KIRREL1: variants seen among roughly 807,000 people sequenced by gnomAD.
KIRREL1 encodes kin of IRRE-like protein 1.
In KIRREL1, 25 loss-of-function variants were observed where a neutral mutation model predicts 83.3. The observed-to-expected ratio is 0.30, with a 90% CI of 0.22 to 0.42. KIRREL1 has a LOEUF of 0.42. KIRREL1 is among the 10% of genes least tolerant of loss of function. The pLI, the probability that KIRREL1 is intolerant of heterozygous loss-of-function variation, is 1.00. For synonymous variants in KIRREL1, 388 were observed against 410.4 expected, an observed-to-expected ratio of 0.95 and a Z score of 0.66; for missense variants, 812 against 1,032.3, an observed-to-expected ratio of 0.79 and a Z score of 2.92.
At chr1:158,007,395 G>A (rs1398421487) in intron 1 of KIRREL1, among the ~76,000 whole-genome samples, 1 of 152,150 alleles carries the variant, frequency 6.6e-6, no homozygotes, top group Non-Finnish European at 1.5e-5. Context: ...GATTCTTATA[G>A]GGGGTCTAAT....
At chr1:158,041,325 G>T (rs1259805337) in intron 1 of KIRREL1, among the ~76,000 whole-genome samples, 9 of 152,226 alleles carry the variant, frequency 5.9e-5, no homozygotes. Flanking sequence ...TTCGTAAGGT[G>T]GTCCTGGTCT....
chr1:158,036,275 T>A (rs900815621), intron 1 of KIRREL1, among the ~76,000 whole-genome samples: 3 of 152,332 alleles, frequency 2.0e-5, no homozygotes, highest in Non-Finnish European at 2.9e-5. Flanking sequence ...ATTTTCTGGT[T>A]GTAACTTATT....
rs1281091027 is a variant in KIRREL1, at chr1:158,063,979, T to C, written c.53-12134T>C. 6.6e-5 allele frequency among the ~76,000 whole-genome samples: 10 copies of C among 152,178 alleles called. No homozygotes were observed. The East Asian group carries it at 1.9e-3, about 29-fold the overall frequency. The stretch of plus-strand genomic sequence containing the variant: ...CCAGGGTCCAGGACAGTGTACAGTA[T>C]GGTAGGCATTCAATAAGTATTTATT... On this transcript the variant is annotated intron_variant, in intron 1 of 14. Transcript: ENST00000359209.
chr1:158,088,018 G>A lies in KIRREL1; in HGVS notation c.780G>A (p.Gly260=), dbSNP rs763462025. The change falls in exon 7 of 15, where the codon GGG becomes GGA. Residue 260 remains glycine (G), a synonymous_variant. Coordinates refer to ENST00000359209, the MANE Select transcript of KIRREL1 (RefSeq NM_018240.7). ...CCTCCTCCCCTAGGTGGGCCAAAGG[G>A]GGTTTCTTGATTGAAGACGCCCACG... ...PEILGYRWAK[G]GFLIEDAHES... 1.2e-6 allele frequency: 2 copies of A among 1,614,058 alleles called. No individual in the cohort carries two copies. The highest frequency in any genetic ancestry group is 2.2e-5 in the East Asian group (1 of 44,898).
In KIRREL1 at chr1:158,093,400, C is replaced by T. The variant is rs1310924970; in HGVS notation, c.1533C>T (p.Phe511=). The T allele has an allele frequency of 6.2e-7, 1 of 1,614,146 alleles. No homozygotes were observed. The highest frequency in any genetic ancestry group is 1.7e-5 in the Admixed American group (1 of 60,014). ...TCGGCGCGAGCATCCTGCTCATCTT[C>T]TTCTTCATCGCCTTGGTATTCTTCC... ...ATIGASILLI[F]FFIALVFFLY... is the part of the protein sequence containing the mutation. The change falls in exon 12 of 15, where the codon TTC becomes TTT. Residue 511 remains phenylalanine (F), a synonymous_variant. Transcript: ENST00000359209.
Position 158,076,244 on chromosome 1 carries a change from A to G in KIRREL1, c.184A>G (p.Met62Val), listed in dbSNP as rs138764677. 26 of 1,613,856 alleles carry G rather than the reference A, an allele frequency of 1.6e-5. No individual in the cohort carries two copies. In the African/African-American group the frequency reaches 2.9e-4, roughly 18 times the overall value. The change falls in exon 2 of 15, where the codon ATG (methionine) becomes GTG (valine). Residue 62 changes from methionine to valine, a missense_variant. Coordinates refer to ENST00000359209, the MANE Select transcript of KIRREL1 (RefSeq NM_018240.7). ...GACCAAGGACGGGCTGGCCCTGGGC[A>G]TGGGCCAGGGCCTCAAAGGTGAGTG... ...QWTKDGLALG[M>V]GQGLKAWPRY...
At position 158,076,009 on chromosome 1, in the gene KIRREL1, C is replaced by A. The variant is rs568317687; in HGVS notation, c.53-104C>A. The A allele has an allele frequency of 6.3e-6, 7 of 1,113,436 alleles. No individual in the cohort carries two copies. The Admixed American group carries it at 1.7e-4, about 28-fold the overall frequency. 69.0% of individuals were successfully genotyped at this position (1,113,436 alleles called of 1,614,324 possible). On this transcript the variant is annotated intron_variant, in intron 1 of 14. Transcript: ENST00000359209. ...GGGCAGGGACCGGAGAGTCCCCATC[C>A]CCAACTGGAGGCTCTCCCTCCTTCC...
intron 1 of KIRREL1, among the ~76,000 whole-genome samples, chr1:158,067,922 C>T (rs16839719): frequency 6.6e-6 from 1 of 152,208 alleles, no homozygotes; most frequent in African/African-American, 2.4e-5. Flanking sequence ...ACCATGGTCA[C>T]TTGTAAAATC....
chr1:158,089,450 C>CT, intron 8 of KIRREL1, 52 bp from the exon 9 acceptor site: 2 of 1,610,658 alleles, frequency 1.2e-6, no homozygotes, highest in South Asian at 2.2e-5. Context: ...CCTCATGGAC[C>CT]TAGGGGCCCA....
At chr1:157,993,858 GGGGCTCGGTCC>G in intron 1 of KIRREL1, 130 bp downstream of exon 1, 1 of 517,398 alleles carries the variant, frequency 1.9e-6, no homozygotes, top group East Asian at 3.6e-5. Context: ...CCACGAGGCG[GGGGCTCGGTCC>G]GGGCGCAGAG....
rs546287648 is a variant in KIRREL1, at chr1:158,065,659, T to C, written c.53-10454T>C. On this transcript the variant is annotated intron_variant, in intron 1 of 14. Transcript: ENST00000359209. ...CTCTGTTGCCTTCTGTGTTACCTCA[T>C]ATATAGCCCACCTCATTCTCTTCTC... Among the ~76,000 whole-genome samples the C allele has an allele frequency of 3.9e-5, 6 of 152,262 alleles. No homozygotes were observed. The South Asian group carries it at 1.2e-3, about 32-fold the overall frequency.
In KIRREL1 at chr1:158,096,138, G is replaced by A; in HGVS notation, c.*1018G>A. On this transcript the variant is annotated 3_prime_UTR_variant, in exon 15 of 15. Coordinates refer to ENST00000359209, the MANE Select transcript of KIRREL1 (RefSeq NM_018240.7). ...AATACAAGTCCCAGTGGAAAGGAAA[G>A]GTAGTACCTATTCTTCTCCATGGGG... The A allele has an allele frequency of 6.0e-6, 1 of 165,358 alleles. No homozygotes were observed. The highest frequency in any genetic ancestry group is 1.6e-4 in the South Asian group (1 of 6,184). 10.2% of individuals were successfully genotyped at this position (165,358 alleles called of 1,614,324 possible).
intron 1 of KIRREL1, among the ~76,000 whole-genome samples, chr1:158,062,827 T>TGA (rs1197444271): frequency 6.6e-6 from 1 of 152,262 alleles, no homozygotes; most frequent in Non-Finnish European, 1.5e-5. Context: ...AGCTTAGATG[T>TGA]GCCACAGCTT....
intron 1 of KIRREL1, among the ~76,000 whole-genome samples, chr1:158,011,674 C>G (rs1007070608): frequency 2.0e-5 from 3 of 152,170 alleles, no homozygotes; most frequent in African/African-American, 7.2e-5. Context: ...ATTCCAGGCT[C>G]TCTCCTTCCC....
In KIRREL1 at chr1:158,097,138, A is replaced by T. The variant is rs1218696842; in HGVS notation, c.*2018A>T. Reference sequence around the variant, plus strand: ...ATTTACAGGCTTCCAGCTGTATTCCATCCCTGGAAGCTGATACCTTTCTAT... The same window carrying T: ...ATTTACAGGCTTCCAGCTGTATTCCTTCCCTGGAAGCTGATACCTTTCTAT... On this transcript the variant is annotated 3_prime_UTR_variant, in exon 15 of 15. Transcript: ENST00000359209. 2 of 452,276 alleles carry T rather than the reference A, an allele frequency of 4.4e-6. No individual in the cohort carries two copies. The highest frequency in any genetic ancestry group is 8.9e-6 in the Non-Finnish European group (2 of 224,944). The allele number at this position is 452,276 out of a possible 1,614,324, so 28.0% of individuals were successfully genotyped here.
chr1:158,073,461 C>T (rs1353276984), intron 1 of KIRREL1, among the ~76,000 whole-genome samples: 1 of 152,228 alleles, frequency 6.6e-6, no homozygotes, highest in African/African-American at 2.4e-5. Context: ...GCATAGCATA[C>T]ACCTCATCTC....
intron 1 of KIRREL1, among the ~76,000 whole-genome samples, chr1:158,037,554 T>A (rs1251524519): frequency 1.3e-5 from 2 of 150,070 alleles, no homozygotes; most frequent in African/African-American, 2.5e-5. Context: ...GTCGTGAGCA[T>A]TAAGTGAATC....
intron 1 of KIRREL1, among the ~76,000 whole-genome samples, chr1:158,072,969 A>T (rs1661561229): frequency 6.6e-6 from 1 of 152,100 alleles, no homozygotes; most frequent in African/African-American, 2.4e-5. Flanking sequence ...GCCACTAAAA[A>T]CCCAGGACAA....
In KIRREL1 at chr1:158,064,933, C is replaced by CTTT. The variant is rs869035914; in HGVS notation, c.53-11163_53-11161dup. Among the ~76,000 whole-genome samples the CTTT allele has an allele frequency of 5.7e-3, 475 of 82,688 alleles. 6 individuals carry two copies. The highest frequency in any genetic ancestry group is 0.015 in the African/African-American group (376 of 24,986). 54.2% of individuals were successfully genotyped at this position (82,688 alleles called of 152,430 possible). A position where few individuals can be genotyped will look rare whatever the true frequency, so the allele number is the denominator to read the frequency against. On this transcript the variant is annotated intron_variant, in intron 1 of 14. Transcript: ENST00000359209. ...ATGTCTAACACCTAAACCTGCTGGT[C>CTTT]TTTTTTTTTTTTTTTTTTTAATTTT...
Sources: gnomAD v4.1 joint callset for allele counts (sites outside exome capture counted in the v4.1 genomes callset) on GRCh38, gnomAD v4.1.1 for gene constraint, MANE v1.5 for transcripts, NCBI Gene and HGNC (gene_info 2026-07-23, HGNC 2026-07-21) for gene names.